Variants in PTPRD observed in about 807,000 individuals in gnomAD.
The protein encoded by PTPRD is receptor-type tyrosine-protein phosphatase delta.
A neutral mutation model predicts 214.5 loss-of-function variants in PTPRD; 34 were observed. That is an observed-to-expected ratio of 0.16 (90% CI 0.12 to 0.21). PTPRD has a LOEUF of 0.21. Among genes scored for constraint, PTPRD ranks in the 10% least tolerant of loss-of-function variants. PTPRD has a pLI of 1.00. For missense variants in PTPRD, 2,545 were observed against 2,398.7 expected, an observed-to-expected ratio of 1.06 and a Z score of -1.27; for synonymous variants, 1,128 against 845.7, an observed-to-expected ratio of 1.33 and a Z score of -5.79.
intron 3 of PTPRD, among the ~76,000 whole-genome samples, chr9:10,213,074 G>A (rs1038380514): frequency 6.6e-6 from 1 of 152,108 alleles, no homozygotes; most frequent in Non-Finnish European, 1.5e-5. Context: ...AGCTACACAA[G>A]TTTTCAAGTG....
chr9:9,499,066 G>A (rs930750508), intron 8 of PTPRD, among the ~76,000 whole-genome samples: 2 of 151,834 alleles, frequency 1.3e-5, no homozygotes, highest in African/African-American at 4.8e-5. Context: ...TTAAGAATTT[G>A]GAAAATAGCA....
chr9:8,413,449 C>A (rs1326342341), intron 35 of PTPRD, among the ~76,000 whole-genome samples: 1 of 152,120 alleles, frequency 6.6e-6, no homozygotes, highest in Non-Finnish European at 1.5e-5. Context: ...TGTCGGAACT[C>A]AGAAAATCCC....
intron 7 of PTPRD, among the ~76,000 whole-genome samples, chr9:9,660,799 G>A (rs1030331089): frequency 1.7e-4 from 26 of 151,874 alleles, no homozygotes; most frequent in African/African-American, 6.3e-4. Context: ...AATTAATCTT[G>A]CAACAACTCA....
rs540792040 is a variant in PTPRD at position 9,541,205 on chromosome 9, T to A, written c.-237+33527A>T. ...ACTTTGGTCCAGGCAAAGTTAGAAG[T>A]GTTATATAAGTGGAGCCTTGAAAAG... On this transcript the variant is annotated intron_variant, in intron 8 of 45. Coordinates refer to ENST00000381196, the MANE Select transcript of PTPRD (RefSeq NM_002839.4). 6.9e-4 allele frequency among the ~76,000 whole-genome samples: 104 copies of A among 151,778 alleles called. No homozygotes were observed. In the Middle Eastern group the frequency reaches 0.01, roughly 15 times the overall value.
chr9:9,228,462 A>G (rs889395170), intron 9 of PTPRD, among the ~76,000 whole-genome samples: 1 of 152,114 alleles, frequency 6.6e-6, no homozygotes, highest in Non-Finnish European at 1.5e-5. Flanking sequence ...ATGCATGTTG[A>G]TATATGTTGA....
intron 7 of PTPRD, among the ~76,000 whole-genome samples, chr9:9,659,623 C>T (rs546636786): frequency 2.6e-4 from 39 of 151,968 alleles, no homozygotes; most frequent in African/African-American, 9.4e-4. Flanking sequence ...TGAAAAAAAG[C>T]TTTTCCCTAG....
At chr9:10,450,700 T>C (rs1295252856) in intron 2 of PTPRD, among the ~76,000 whole-genome samples, 1 of 151,982 alleles carries the variant, frequency 6.6e-6, no homozygotes, top group African/African-American at 2.4e-5. Context: ...CACTGATCAG[T>C]TTGTAGTCAT....
intron 14 of PTPRD, among the ~76,000 whole-genome samples, chr9:8,595,804 T>C (rs1022590790): frequency 3.3e-5 from 5 of 152,208 alleles, no homozygotes; most frequent in African/African-American, 1.2e-4. Flanking sequence ...GAAAAAGTAA[T>C]GATGCGTAAT....
intron 8 of PTPRD, among the ~76,000 whole-genome samples, chr9:9,440,575 G>A (rs2087210755): frequency 6.6e-6 from 1 of 152,094 alleles, no homozygotes; most frequent in Non-Finnish European, 1.5e-5. Context: ...ACTTCAGATG[G>A]AATCTTTAAA....
intron 8 of PTPRD, among the ~76,000 whole-genome samples, chr9:9,411,922 T>C (rs755234048): frequency 6.6e-6 from 1 of 152,220 alleles, no homozygotes; most frequent in Non-Finnish European, 1.5e-5. Context: ...TGGAATCACT[T>C]AGACCAACCC....
intron 2 of PTPRD, among the ~76,000 whole-genome samples, chr9:10,477,040 C>A (rs1043613655): frequency 2.0e-5 from 3 of 152,090 alleles, no homozygotes; most frequent in South Asian, 2.1e-4. Context: ...TAGAAGGAAA[C>A]CTAGGCAATA....
Position 8,905,671 on chromosome 9 carries a change from C to A in PTPRD, c.-104+113026G>T, listed in dbSNP as rs556115823. Among the ~76,000 whole-genome samples, 357 of 147,904 alleles carry A rather than the reference C, an allele frequency of 2.4e-3. 2 individuals are homozygous for A. The highest frequency in any genetic ancestry group is 8.7e-3 in the African/African-American group (344 of 39,680). ...GGAGAATCACTTGAACCAGGGAGAC[C>A]GAGGTTGCAGTGAGCCGGAATCACG... On this transcript the variant is annotated intron_variant, in intron 11 of 45. Transcript: ENST00000381196.
intron 15 of PTPRD, among the ~76,000 whole-genome samples, chr9:8,527,749 G>C (rs2074579244): frequency 6.6e-6 from 1 of 152,056 alleles, no homozygotes; most frequent in East Asian, 1.9e-4. Context: ...TTTAATCTAA[G>C]AGAGCAAAGG....
At chr9:9,900,641 G>GTTTTTTTTTTTGTTTGTT (rs367877727) in intron 5 of PTPRD, among the ~76,000 whole-genome samples, 1 of 120,086 alleles carries the variant, frequency 8.3e-6, no homozygotes, top group African/African-American at 3.1e-5. Context: ...ACATTTTCAG[G>GTTTTTTTTTTTGTTTGTT]TTTTTTTTTT....
intron 10 of PTPRD, among the ~76,000 whole-genome samples, chr9:9,171,164 A>G (rs924153632): frequency 6.6e-6 from 1 of 152,060 alleles, no homozygotes; most frequent in African/African-American, 2.4e-5. Context: ...AAAAGGGTTG[A>G]GTGTGCTTAT....
chr9:9,890,679 A>G (rs2072992121), intron 5 of PTPRD, among the ~76,000 whole-genome samples: 1 of 152,068 alleles, frequency 6.6e-6, no homozygotes, highest in Admixed American at 6.6e-5. Flanking sequence ...ACTGACCCAC[A>G]GAGACTCTGT....
intron 8 of PTPRD, among the ~76,000 whole-genome samples, chr9:9,423,547 C>T (rs1332587083): frequency 6.6e-6 from 1 of 151,972 alleles, no homozygotes; most frequent in South Asian, 2.1e-4. Flanking sequence ...ACAAAAAATG[C>T]CGTGAGAATA....
At chr9:9,757,117 A>G (rs1382418432) in intron 6 of PTPRD, among the ~76,000 whole-genome samples, 1 of 152,210 alleles carries the variant, frequency 6.6e-6, no homozygotes, top group African/African-American at 2.4e-5. Context: ...GCCCTATAAC[A>G]AAGATTGGGC....
intron 2 of PTPRD, among the ~76,000 whole-genome samples, chr9:10,578,657 A>C (rs1193676905): frequency 1.3e-5 from 2 of 152,186 alleles, no homozygotes; most frequent in East Asian, 1.9e-4. Context: ...AGATTTTGTC[A>C]TGCCCAAAAG....
Sources: allele counts gnomAD v4.1 joint callset (sites outside exome capture counted in the v4.1 genomes callset), GRCh38; gene constraint gnomAD v4.1.1; transcripts MANE v1.5; gene names NCBI Gene and HGNC (gene_info 2026-07-23, HGNC 2026-07-21).